The following CPT1A variants were observed in gnomAD, a reference collection of about 807,000 sequenced individuals.
CPT1A encodes the protein carnitine O-palmitoyltransferase 1, liver isoform.
CPT1A carries 64 observed loss-of-function variants against 100.8 expected under a neutral mutation model. The ratio of observed to expected loss-of-function variants is 0.63; its 90% CI spans 0.52 to 0.78. The LOEUF is 0.78. Among genes scored for constraint, CPT1A ranks in the 30% least tolerant of loss-of-function variants. The probability of loss-of-function intolerance (pLI) is 0.00; values close to 1 mark genes in which losing one functional copy is unlikely to be tolerated. For synonymous variants in CPT1A, 363 were observed against 396.0 expected, an observed-to-expected ratio of 0.92 and a Z score of 0.99; for missense variants, 802 against 1,034.1, an observed-to-expected ratio of 0.78 and a Z score of 3.08.
At chr11:68,830,197 G>T (rs1243054332) in intron 1 of CPT1A, among the ~76,000 whole-genome samples, 1 of 152,180 alleles carries the variant, frequency 6.6e-6, no homozygotes, top group Non-Finnish European at 1.5e-5. Context: ...AAGATTTCTT[G>T]TGTCTGGGAG....
intron 1 of CPT1A, among the ~76,000 whole-genome samples, chr11:68,817,855 C>T (rs1856475849): frequency 6.6e-6 from 1 of 150,428 alleles, no homozygotes; most frequent in Non-Finnish European, 1.5e-5. Flanking sequence ...GGCAGGGTAG[C>T]TGGGGTCAAG....
Position 68,831,670 on chromosome 11 carries a change from A to G in CPT1A, c.-14+10105T>C, listed in dbSNP as rs1203351380. 2.7e-5 allele frequency among the ~76,000 whole-genome samples: 4 copies of G among 146,788 alleles called. No homozygotes were observed. The Admixed American group carries it at 2.8e-4, about 10-fold the overall frequency. ...TTTTTTTGAGACGAAGTTTTGCTCC[A>G]TCACCCAGGCTGGAGTGCAATGACA... On this transcript the variant is annotated intron_variant, in intron 1 of 18. Coordinates refer to ENST00000265641, the MANE Select transcript of CPT1A (RefSeq NM_001876.4).
At chr11:68,823,457 C>T (rs1856638866) in intron 1 of CPT1A, among the ~76,000 whole-genome samples, 1 of 152,096 alleles carries the variant, frequency 6.6e-6, no homozygotes, top group African/African-American at 2.4e-5. Flanking sequence ...CACCATAATG[C>T]TCTGGTCACA....
At chr11:68,842,887 C>T (rs1258513594), upstream of CPT1A, among the ~76,000 whole-genome samples, 1 of 152,196 alleles carries the variant, frequency 6.6e-6, no homozygotes, top group African/African-American at 2.4e-5. Context: ...CTATCTTTGC[C>T]CGCAATGCTT....
intron 1 of CPT1A, among the ~76,000 whole-genome samples, chr11:68,821,892 T>G (rs1443927741): frequency 6.6e-6 from 1 of 152,110 alleles, no homozygotes; most frequent in Non-Finnish European, 1.5e-5. Context: ...GACTGCCTCC[T>G]GTGGCCAATA....
intron 1 of CPT1A, among the ~76,000 whole-genome samples, chr11:68,832,795 C>A (rs1432071203): frequency 6.6e-6 from 1 of 152,240 alleles, no homozygotes; most frequent in Non-Finnish European, 1.5e-5. Context: ...CAGCGGTAAA[C>A]AACTATGTTG....
chr11:68,773,547 C>A, intron 13 of CPT1A, 118 bp from the exon 14 acceptor site: 1 of 1,545,892 alleles, frequency 6.5e-7, no homozygotes, highest in Non-Finnish European at 8.7e-7. Context: ...CTGGGAAGTA[C>A]ACAAACGTTT....
intron 1 of CPT1A, among the ~76,000 whole-genome samples, chr11:68,816,905 TGTGTGTGTGGTGTGTGTGTGGG>T (rs1856419245): frequency 6.3e-5 from 2 of 31,642 alleles, no homozygotes; most frequent in South Asian, 1.2e-3. Context: ...TGTGTGTGGG[TGTGTGTGTGGTGTGTGTGTGGG>T]TGTGTGTGTG....
At chr11:68,791,303 C>A (rs1379355838) in intron 9 of CPT1A, among the ~76,000 whole-genome samples, 2 of 152,180 alleles carry the variant, frequency 1.3e-5, no homozygotes, top group Non-Finnish European at 2.9e-5. Context: ...CACTGCCTGC[C>A]CTGGTCAGTG....
At position 68,760,251 on chromosome 11, in the gene CPT1A, C is replaced by G; in HGVS notation, c.2116G>C (p.Val706Leu). The change falls in exon 17 of 19, where the codon GTG becomes CTG. Residue 706 changes from valine (V) to leucine (L), a missense_variant. By Grantham distance (32) the Val-to-Leu change is conservative. This residue lies in a region of CPT1A where 627 missense variants were observed against 799.3 expected (regional missense o/e 0.78). Transcript: ENST00000265641. The part of the protein sequence containing the change: ...LFDLENNPEY[V>L]SSGGGFGPVA... ...GGTCCAAAGCCCCCTCCGCTGGACA[C>G]GTACTCTGGGTTATTCTCCAAGTCA... 1.2e-6 allele frequency: 2 copies of G among 1,611,644 alleles called. No homozygotes were observed. Among genetic ancestry groups the G allele is most frequent in the Non-Finnish European group, 1.7e-6 (2 of 1,179,342 alleles).
At chr11:68,813,529 CAAAAAAAAAA>C (rs10590789) in intron 2 of CPT1A, among the ~76,000 whole-genome samples, 1 of 81,514 alleles carries the variant, frequency 1.2e-5, no homozygotes. Context: ...AGGCTCTGTC[CAAAAAAAAAA>C]AAAAAAAAAA....
chr11:68,828,422 C>T (rs1173271006), intron 1 of CPT1A, among the ~76,000 whole-genome samples: 1 of 151,974 alleles, frequency 6.6e-6, no homozygotes. Context: ...CTCCCACCTG[C>T]GTGGGAGTCC....
At chr11:68,775,760 C>T (rs1302288680) in intron 12 of CPT1A, among the ~76,000 whole-genome samples, 1 of 152,272 alleles carries the variant, frequency 6.6e-6, no homozygotes, top group Non-Finnish European at 1.5e-5. Flanking sequence ...GCATCCAAGC[C>T]CTGGTGACAG....
At chr11:68,815,306 G>T in intron 2 of CPT1A, 28 bp downstream of exon 2, 1 of 1,611,420 alleles carries the variant, frequency 6.2e-7, no homozygotes, top group South Asian at 1.1e-5. Context: ...AAGGCATACT[G>T]TGTAGATTTC....
intron 14 of CPT1A, among the ~76,000 whole-genome samples, chr11:68,766,808 T>C (rs1215544154): frequency 3.6e-5 from 5 of 139,774 alleles, no homozygotes; most frequent in Non-Finnish European, 7.6e-5. Flanking sequence ...GGTGACAGAG[T>C]GACACTCTAT....
intron 1 of CPT1A, among the ~76,000 whole-genome samples, chr11:68,831,297 C>G (rs1306697154): frequency 1.3e-5 from 2 of 152,204 alleles, no homozygotes; most frequent in Admixed American, 6.5e-5. Flanking sequence ...TCCTGCAGAG[C>G]TGAGACAGGC....
intron 1 of CPT1A, among the ~76,000 whole-genome samples, chr11:68,819,691 C>T (rs1367056943): frequency 2.6e-5 from 4 of 152,314 alleles, no homozygotes; most frequent in African/African-American, 4.8e-5. Context: ...AGGAGTGAAA[C>T]GCCCTCGCAG....
In CPT1A at chr11:68,757,680, G is replaced by A. The variant is rs1273692653; in HGVS notation, c.2286C>T (p.Ile762=). The A allele has an allele frequency of 1.2e-6, 2 of 1,614,122 alleles. No homozygotes were observed. The highest frequency in any genetic ancestry group is 2.2e-5 in the East Asian group (1 of 44,892). Residue 762 remains isoleucine, a synonymous_variant, in exon 19 of 19, where the codon ATC becomes ATT. Transcript: ENST00000265641. Reference sequence around the variant, plus strand: ...AATTAGAACTGAGACCAAACAAAGTGATGATGTCAGTCATTGCTTCTTTCA... The same window carrying A: ...AATTAGAACTGAGACCAAACAAAGTAATGATGTCAGTCATTGCTTCTTTCA... The part of the protein sequence containing the change: ...RHLKEAMTDI[I]TLFGLSSNSK...
chr11:68,812,984 G>A (rs1856259940), intron 2 of CPT1A, among the ~76,000 whole-genome samples: 1 of 151,670 alleles, frequency 6.6e-6, no homozygotes, highest in South Asian at 2.1e-4. Flanking sequence ...TGTGTCAGAA[G>A]GGCTGCTTAA....
Sources: gnomAD v4.1 joint callset for allele counts (sites outside exome capture counted in the v4.1 genomes callset) on GRCh38, gnomAD v4.1.1 for gene constraint, gnomAD v4.1.1 regional missense constraint, MANE v1.5 for transcripts, NCBI Gene and HGNC (gene_info 2026-07-23, HGNC 2026-07-21) for gene names.